Variants in ELAPOR2 observed in about 807,000 individuals in gnomAD.
ELAPOR2 encodes the protein endosome/lysosome-associated apoptosis and autophagy regulator family member 2.
Under a neutral mutation model 120.7 loss-of-function variants are expected in ELAPOR2, and 89 were observed. That is an observed-to-expected ratio of 0.74 (90% confidence interval 0.62 to 0.88). The LOEUF (loss-of-function observed/expected upper bound fraction) is 0.88. Ranked by LOEUF, ELAPOR2 falls within the 40% of genes least tolerant of loss-of-function variation. The probability of loss-of-function intolerance (pLI) is 0.00; values close to 1 mark genes in which losing one functional copy is unlikely to be tolerated. For missense variants in ELAPOR2, 1,134 were observed against 1,251.6 expected (o/e 0.91, Z 1.42); for synonymous variants, 444 against 444.9 (o/e 1.00, Z 0.03).
intron 18 of ELAPOR2, among the ~76,000 whole-genome samples, chr7:86,905,781 T>C (rs1788984326): frequency 6.6e-6 from 1 of 152,160 alleles, no homozygotes. Flanking sequence ...CAGAAATTAA[T>C]TTTTTAAATA....
At chr7:86,890,950 TTTC>T (rs781346924) in intron 21 of ELAPOR2, among the ~76,000 whole-genome samples, 1,729 of 120,106 alleles carry the variant, frequency 0.014, 16 homozygotes, top group African/African-American at 0.044. Flanking sequence ...AGTCATCTTC[TTTC>T]TTCTATTTCA....
chr7:86,938,995 G>T, intron 6 of ELAPOR2, 35 bp from the exon 7 acceptor site: 1 of 1,610,522 alleles, frequency 6.2e-7, no homozygotes, highest in East Asian at 2.2e-5. Flanking sequence ...ATGGGAGGGG[G>T]ACCCAATACC....
chr7:87,031,056 A>T (rs1794408622), intron 1 of ELAPOR2, among the ~76,000 whole-genome samples: 1 of 152,126 alleles, frequency 6.6e-6, no homozygotes, highest in Non-Finnish European at 1.5e-5. Context: ...CAGTATGGGG[A>T]AACCACCCCC....
chr7:86,914,575 A>C, intron 13 of ELAPOR2, 148 bp downstream of exon 13: 1 of 521,504 alleles, frequency 1.9e-6, no homozygotes, highest in Non-Finnish European at 3.2e-6. Context: ...ATCATTTTAT[A>C]CCACTGAATC....
intron 1 of ELAPOR2, among the ~76,000 whole-genome samples, chr7:87,012,647 C>T (rs774805503): frequency 8.6e-5 from 13 of 152,044 alleles, no homozygotes; most frequent in Non-Finnish European, 1.6e-4. Context: ...GTACTCTGTT[C>T]GGTACTTTTC....
chr7:87,008,179 T>C (rs1487502044), intron 1 of ELAPOR2, among the ~76,000 whole-genome samples: 1 of 152,210 alleles, frequency 6.6e-6, no homozygotes, highest in African/African-American at 2.4e-5. Flanking sequence ...CTGGAAAGAA[T>C]ACTACTGTGT....
rs760772465 is a variant in ELAPOR2, at chr7:86,880,446, G to T, written c.*25C>A. On this transcript the variant is annotated 3_prime_UTR_variant, in exon 22 of 22. Transcript: ENST00000450689. The stretch of plus-strand genomic sequence containing the variant: ...CTAGAGCAGGTTTCTTTGTTCATTA[G>T]TCTCAAGGCTACAGCACTGTCTCTT... The T allele has an allele frequency of 4.5e-6, 7 of 1,563,432 alleles. No individual in the cohort carries two copies. Among genetic ancestry groups the T allele is most frequent in the South Asian group, 4.5e-5 (4 of 89,790 alleles).
At chr7:86,981,211 T>A (rs769698879) in intron 1 of ELAPOR2, among the ~76,000 whole-genome samples, 47 of 152,204 alleles carry the variant, frequency 3.1e-4, no homozygotes, top group Non-Finnish European at 6.0e-4. Flanking sequence ...CATAAAAAGT[T>A]TCTTCATTAA....
At chr7:86,905,070 A>AAGGAAGGAAGGAAGGAAGGAAG (rs1361156377) in intron 18 of ELAPOR2, among the ~76,000 whole-genome samples, 1 of 98,148 alleles carries the variant, frequency 1.0e-5, no homozygotes, top group African/African-American at 3.9e-5. Context: ...ACAGAGAGAG[A>AAGGAAGGAAGGAAGGAAGGAAG]GAAGGAAGGA....
intron 18 of ELAPOR2, among the ~76,000 whole-genome samples, chr7:86,899,372 CATAA>C (rs1420445574): frequency 6.6e-6 from 1 of 152,140 alleles, no homozygotes; most frequent in Non-Finnish European, 1.5e-5. Context: ...CCTTAAGCCA[CATAA>C]ATATAGGCTT....
At chr7:87,010,024 C>A (rs923462015) in intron 1 of ELAPOR2, among the ~76,000 whole-genome samples, 2 of 152,118 alleles carry the variant, frequency 1.3e-5, no homozygotes, top group Non-Finnish European at 2.9e-5. Flanking sequence ...AAGTTCAAAC[C>A]ATTCTATTTC....
intron 1 of ELAPOR2, among the ~76,000 whole-genome samples, chr7:87,001,833 C>G (rs1483551701): frequency 6.6e-6 from 1 of 152,120 alleles, no homozygotes; most frequent in Non-Finnish European, 1.5e-5. Context: ...TTTAAATTTG[C>G]AAAGCAGACT....
chr7:86,936,227 A>T (rs1370735818), intron 8 of ELAPOR2, among the ~76,000 whole-genome samples: 1 of 152,080 alleles, frequency 6.6e-6, no homozygotes, highest in Non-Finnish European at 1.5e-5. Flanking sequence ...TTATATAAAG[A>T]GACAGGTCTT....
At chr7:86,880,644 C>T in intron 21 of ELAPOR2, 114 bp from the exon 22 acceptor site, 1 of 680,670 alleles carries the variant, frequency 1.5e-6, no homozygotes, top group Admixed American at 2.6e-5. Context: ...CTAGTTGCCA[C>T]TTGTGATTAG....
At chr7:86,925,804 T>C (rs2116225454) in intron 9 of ELAPOR2, 148 bp from the exon 10 acceptor site, 1 of 700,678 alleles carries the variant, frequency 1.4e-6, no homozygotes, top group East Asian at 2.8e-5. Flanking sequence ...CAGGATGTAC[T>C]AACTTTTTCA....
rs1789351160 is a variant in ELAPOR2, at chr7:86,912,241, T to C, written c.2000A>G (p.His667Arg). The C allele has an allele frequency of 3.8e-6, 6 of 1,585,038 alleles. No individual in the cohort carries two copies. The highest frequency in any genetic ancestry group is 1.1e-5 in the South Asian group (1 of 89,214). ...AAAGCAGTCACTATAGCAAACCGAA[T>C]GGTCCTTTGATTAAAGATAAAGAAA... ...CGPGSKNNQD[H>R]SVCYSDCFFY... is the part of the protein sequence containing the mutation. The change falls in exon 15 of 22, where the codon CAT becomes CGT. Residue 667 changes from histidine to arginine, a missense_variant. His to Arg is a conservative substitution (Grantham distance 29). Transcript: ENST00000450689.
intron 21 of ELAPOR2, among the ~76,000 whole-genome samples, chr7:86,890,266 T>G (rs1275686055): frequency 2.0e-5 from 3 of 151,930 alleles, no homozygotes. Flanking sequence ...TATAGAAAAT[T>G]TCCTTGGAAT....
chr7:86,999,641 G>A (rs898512099), intron 1 of ELAPOR2, among the ~76,000 whole-genome samples: 6 of 152,100 alleles, frequency 3.9e-5, no homozygotes, highest in African/African-American at 9.7e-5. Flanking sequence ...AACATAAAGT[G>A]GATAAACCCT....
intron 18 of ELAPOR2, among the ~76,000 whole-genome samples, 183 bp downstream of exon 18, chr7:86,907,487 T>A (rs1455970013): frequency 1.3e-5 from 2 of 151,668 alleles, no homozygotes; most frequent in Non-Finnish European, 2.9e-5. Context: ...GTCTTTAGAT[T>A]GTACAAGGAC....
Sources: allele counts gnomAD v4.1 joint callset (sites outside exome capture counted in the v4.1 genomes callset), GRCh38; gene constraint gnomAD v4.1.1; transcripts MANE v1.5; gene names NCBI Gene and HGNC (gene_info 2026-07-23, HGNC 2026-07-21).